HIBCH: variants seen among roughly 807,000 people sequenced by gnomAD.
HIBCH encodes 3-hydroxyisobutyryl-CoA hydrolase, mitochondrial.
Under a neutral mutation model 58.2 loss-of-function variants are expected in HIBCH, and 50 were observed. The ratio of observed to expected loss-of-function variants is 0.86; its 90% CI spans 0.68 to 1.09. The LOEUF (loss-of-function observed/expected upper bound fraction) is 1.09. HIBCH is among the 50% of genes least tolerant of loss of function. The pLI is 0.00. For missense variants in HIBCH, 450 were observed against 449.7 expected, an observed-to-expected ratio of 1.00 and a Z score of -0.01; for synonymous variants, 151 against 146.9, an observed-to-expected ratio of 1.03 and a Z score of -0.20.
chr2:190,209,911 T>C lies in HIBCH; in HGVS notation c.1012-998A>G, dbSNP rs1157402585. On this transcript the variant is annotated intron_variant, in intron 12 of 13. Transcript: ENST00000359678. The surrounding 1 kb of genome is among the most constrained non-coding windows in gnomAD (Gnocchi z 5.6). Reference sequence around the variant, plus strand: ...TCTTTACATGAAAAGGTAATTTATATATCCATCCTAGGATTATTTTAATCC... The same window carrying C: ...TCTTTACATGAAAAGGTAATTTATACATCCATCCTAGGATTATTTTAATCC... 6.6e-6 allele frequency among the ~76,000 whole-genome samples: 1 copy of C among 152,222 alleles called. No homozygotes were observed. Among genetic ancestry groups the C allele is most frequent in the Non-Finnish European group, 1.5e-5 (1 of 68,026 alleles).
In HIBCH at chr2:190,282,326, C is replaced by G. The variant is rs1687723034; in HGVS notation, c.438+5260G>C. ...TTATTTAGGTGATGGTTCTACAAGC[C>G]AGAAAGTTCAAGATTGAGAGGCTGC... On this transcript the variant is annotated intron_variant, in intron 6 of 13. Transcript: ENST00000359678. Among the ~76,000 whole-genome samples, 5 of 152,214 alleles carry G rather than the reference C, an allele frequency of 3.3e-5. No individual in the cohort carries two copies. The South Asian group carries it at 1.0e-3, about 32-fold the overall frequency.
At chr2:190,289,671 A>G (rs1014879679) in intron 5 of HIBCH, among the ~76,000 whole-genome samples, 3 of 152,174 alleles carry the variant, frequency 2.0e-5, no homozygotes, top group African/African-American at 7.2e-5. Flanking sequence ...AGGGTACACA[A>G]GTACTTATTA....
intron 9 of HIBCH, among the ~76,000 whole-genome samples, chr2:190,248,057 CTGT>C (rs1018370488): frequency 2.0e-5 from 3 of 152,140 alleles, no homozygotes; most frequent in Non-Finnish European, 4.4e-5. Flanking sequence ...TTTATAACAT[CTGT>C]TGTTGTTTAA....
intron 11 of HIBCH, among the ~76,000 whole-genome samples, chr2:190,242,280 A>T (rs537211675): frequency 1.3e-5 from 2 of 151,660 alleles, no homozygotes; most frequent in African/African-American, 4.8e-5. Flanking sequence ...AAGAAGATTT[A>T]TGTTCTTCTC....
intron 2 of HIBCH, among the ~76,000 whole-genome samples, chr2:190,301,150 C>G (rs1688249612): frequency 6.6e-6 from 1 of 152,212 alleles, no homozygotes; most frequent in African/African-American, 2.4e-5. Flanking sequence ...GCTAGGATGA[C>G]TGGAGCCAGA....
chr2:190,238,650 A>G (rs1488755040), intron 11 of HIBCH, among the ~76,000 whole-genome samples: 4 of 152,204 alleles, frequency 2.6e-5, no homozygotes, highest in East Asian at 1.9e-4. Flanking sequence ...CTTTTAGTAG[A>G]GACATGGTTT....
At chr2:190,298,411 C>G (rs1688168470) in intron 2 of HIBCH, among the ~76,000 whole-genome samples, 1 of 152,176 alleles carries the variant, frequency 6.6e-6, no homozygotes, top group South Asian at 2.1e-4. Context: ...TCACCAGCAT[C>G]TGTTGTTGCC....
intron 11 of HIBCH, among the ~76,000 whole-genome samples, chr2:190,235,408 G>A (rs957997960): frequency 6.6e-6 from 1 of 152,090 alleles, no homozygotes; most frequent in Admixed American, 6.5e-5. Context: ...AGCCTCCAGT[G>A]GTAGGATACT....
At chr2:190,201,938 A>AT (rs1690256458), downstream of HIBCH, 1 of 167,050 alleles carries the variant, frequency 6.0e-6, no homozygotes, top group Non-Finnish European at 1.5e-5. Flanking sequence ...ACACCAAGAC[A>AT]TTTTTGCTGC....
chr2:190,300,772 T>A (rs918274955), intron 2 of HIBCH, among the ~76,000 whole-genome samples: 2 of 152,240 alleles, frequency 1.3e-5, no homozygotes, highest in Non-Finnish European at 2.9e-5. Flanking sequence ...CTTCCAGGGT[T>A]TTTACAGCTT....
At chr2:190,237,957 G>A (rs988877225) in intron 11 of HIBCH, among the ~76,000 whole-genome samples, 1 of 152,082 alleles carries the variant, frequency 6.6e-6, no homozygotes, top group African/African-American at 2.4e-5. Flanking sequence ...TGCCGAGAAT[G>A]ATGGTTTCCA....
intron 6 of HIBCH, among the ~76,000 whole-genome samples, chr2:190,275,477 C>T (rs920321435): frequency 2.6e-5 from 4 of 152,182 alleles, no homozygotes; most frequent in African/African-American, 9.7e-5. Context: ...TTTGTCATAA[C>T]ATACCAGAAC....
intron 1 of HIBCH, among the ~76,000 whole-genome samples, chr2:190,311,272 T>G (rs879678681): frequency 5.3e-5 from 8 of 151,888 alleles, no homozygotes; most frequent in African/African-American, 1.9e-4. Context: ...TTGCCAGGGG[T>G]TTGGGGGACG....
At position 190,197,186 on chromosome 2, in the gene HIBCH, C is replaced by G. The variant is rs1400600908; in HGVS notation, c.*18-7189G>C. ...TTTCAATATATGAATTTGGAGAAGC[C>G]ACAAACATCCTAGCTCACAAGCCTA... On this transcript the variant is annotated intron_variant, in intron 1 of 1. Coordinates refer to the HIBCH transcript ENST00000399855. This position sits in a 1 kb window ranked among gnomAD's most constrained non-coding sequence, Gnocchi z 4.0. Among the ~76,000 whole-genome samples the G allele has an allele frequency of 6.6e-6, 1 of 152,130 alleles. No homozygotes were observed. Among genetic ancestry groups the G allele is most frequent in the East Asian group, 1.9e-4 (1 of 5,194 alleles).
In HIBCH at chr2:190,214,287, G is replaced by A. The variant is rs563305768; in HGVS notation, c.892-1212C>T. ...GTATTGGGGCATTTTCAGAGAACCCGGAGTGTGCAAGAAACCTCCAGTAAG... is the reference window on the plus strand; with the variant it reads ...GTATTGGGGCATTTTCAGAGAACCCAGAGTGTGCAAGAAACCTCCAGTAAG... On this transcript the variant is annotated intron_variant, in intron 11 of 13. Coordinates refer to ENST00000359678, the MANE Select transcript of HIBCH (RefSeq NM_014362.4). The surrounding 1 kb of genome is among the most constrained non-coding windows in gnomAD (Gnocchi z 5.5). 2.0e-5 allele frequency: 3 copies of A among 152,292 alleles called. No individual in the cohort carries two copies. Among genetic ancestry groups the A allele is most frequent in the East Asian group, 1.9e-4 (1 of 5,184 alleles). The allele number at this position is 152,292 out of a possible 1,614,324, so 9.4% of individuals were successfully genotyped here.
intron 13 of HIBCH, 42 bp from the exon 14 acceptor site, chr2:190,205,274 C>T (rs1342247516): frequency 2.9e-6 from 3 of 1,041,724 alleles, no homozygotes; most frequent in Admixed American, 3.6e-5. Flanking sequence ...TTATTTTTGT[C>T]TAATATTGCT....
intron 6 of HIBCH, among the ~76,000 whole-genome samples, chr2:190,276,725 G>A (rs1407099936): frequency 6.6e-6 from 1 of 152,148 alleles, no homozygotes; most frequent in East Asian, 1.9e-4. Flanking sequence ...TGCACACCCT[G>A]CAGAACTGTG....
In HIBCH at chr2:190,243,095, G is replaced by A. The variant is rs1300683800; in HGVS notation, c.891+1792C>T. On this transcript the variant is annotated intron_variant, in intron 11 of 13. Coordinates refer to ENST00000359678, the MANE Select transcript of HIBCH (RefSeq NM_014362.4). This position sits in a 1 kb window ranked among gnomAD's most constrained non-coding sequence, Gnocchi z 4.1. Reference sequence around the variant, plus strand: ...AGGATACAAAGTATTGATCCTGGATGTGTCTGTGAGGGTGTTGCCAAAAGA... The same window carrying A: ...AGGATACAAAGTATTGATCCTGGATATGTCTGTGAGGGTGTTGCCAAAAGA... Among the ~76,000 whole-genome samples, 2 of 152,194 alleles carry A rather than the reference G, an allele frequency of 1.3e-5. No homozygotes were observed. The highest frequency in any genetic ancestry group is 1.3e-4 in the Admixed American group (2 of 15,284).
intron 6 of HIBCH, among the ~76,000 whole-genome samples, chr2:190,265,727 C>T (rs1210532121): frequency 6.6e-6 from 1 of 152,150 alleles, no homozygotes; most frequent in African/African-American, 2.4e-5. Flanking sequence ...TAAAGACTTA[C>T]TTTCATTAAC....
Sources: allele counts gnomAD v4.1 joint callset (sites outside exome capture counted in the v4.1 genomes callset), GRCh38; gene constraint gnomAD v4.1.1; non-coding constraint Gnocchi (gnomAD v3.1); transcripts MANE v1.5; gene names NCBI Gene and HGNC (gene_info 2026-07-23, HGNC 2026-07-21).